Variants in NRG3 observed in about 807,000 individuals in gnomAD.
The protein encoded by NRG3 is pro-neuregulin-3, membrane-bound isoform.
A neutral mutation model predicts 66.9 loss-of-function variants in NRG3; 31 were observed. That is an observed-to-expected ratio of 0.46 (90% CI 0.35 to 0.63). The LOEUF is 0.63. NRG3 is among the 20% of genes least tolerant of loss of function. The probability of loss-of-function intolerance (pLI) is 0.00; values close to 1 mark genes in which losing one functional copy is unlikely to be tolerated. For synonymous variants in NRG3, 393 were observed against 359.4 expected, an observed-to-expected ratio of 1.09 and a Z score of -1.06; for missense variants, 910 against 878.9, an observed-to-expected ratio of 1.04 and a Z score of -0.45.
intron 2 of NRG3, among the ~76,000 whole-genome samples, chr10:82,419,359 T>A (rs77528465): frequency 0.019 from 2,876 of 152,192 alleles, 106 homozygotes; most frequent in African/African-American, 0.066. Context: ...AAATGCAAGG[T>A]CTTGCTTAGG....
intron 2 of NRG3, among the ~76,000 whole-genome samples, chr10:82,623,101 G>C (rs914427075): frequency 6.6e-6 from 1 of 151,792 alleles, no homozygotes; most frequent in Non-Finnish European, 1.5e-5. Context: ...TTTCACCCAG[G>C]GTACCACTAA....
At chr10:82,086,333 GA>G (rs1455110201) in intron 1 of NRG3, among the ~76,000 whole-genome samples, 1 of 152,000 alleles carries the variant, frequency 6.6e-6, no homozygotes, top group African/African-American at 2.4e-5. Context: ...GGAAGGAGAA[GA>G]AATTATCAAG....
chr10:82,075,898 G>A (rs2065064895), intron 1 of NRG3, among the ~76,000 whole-genome samples: 1 of 151,268 alleles, frequency 6.6e-6, no homozygotes. Flanking sequence ...ATTATGGAGG[G>A]AGAATGAAAT....
chr10:81,957,179 C>T (rs1277399683), intron 1 of NRG3, among the ~76,000 whole-genome samples: 1 of 152,136 alleles, frequency 6.6e-6, no homozygotes, highest in South Asian at 2.1e-4. Context: ...CAGCCTAGGT[C>T]CCTGAATCAC....
chr10:82,025,105 TTA>T (rs2132805679), intron 1 of NRG3, among the ~76,000 whole-genome samples: 1 of 152,128 alleles, frequency 6.6e-6, no homozygotes, highest in South Asian at 2.1e-4. Flanking sequence ...ACTGTAGTTT[TTA>T]TGTCATTTCA....
intron 2 of NRG3, among the ~76,000 whole-genome samples, chr10:82,443,215 G>GT (rs1446085294): frequency 1.0e-5 from 1 of 98,634 alleles, no homozygotes; most frequent in Non-Finnish European, 1.9e-5. Context: ...GATGCACTTG[G>GT]TTTTTTTCTC....
chr10:82,212,570 T>C (rs922196890), intron 1 of NRG3, among the ~76,000 whole-genome samples: 1 of 152,220 alleles, frequency 6.6e-6, no homozygotes, highest in African/African-American at 2.4e-5. Flanking sequence ...GGTAGTAGGA[T>C]ATTGCACGTC....
intron 1 of NRG3, among the ~76,000 whole-genome samples, chr10:82,203,942 T>G (rs533326554): frequency 4.7e-4 from 72 of 152,322 alleles, no homozygotes; most frequent in African/African-American, 1.7e-3. Flanking sequence ...ATTATGACTT[T>G]TTTTTGGTTC....
intron 1 of NRG3, among the ~76,000 whole-genome samples, chr10:82,259,882 T>G (rs1309446681): frequency 6.6e-6 from 1 of 151,970 alleles, no homozygotes; most frequent in Non-Finnish European, 1.5e-5. Flanking sequence ...CCATGAGATA[T>G]AATTACACCT....
At chr10:82,579,624 G>A (rs563779646) in intron 2 of NRG3, among the ~76,000 whole-genome samples, 1 of 152,012 alleles carries the variant, frequency 6.6e-6, no homozygotes, top group South Asian at 2.1e-4. Flanking sequence ...TGACATATGG[G>A]TAAAATTTGT....
chr10:82,769,109 C>T (rs1174779244), intron 3 of NRG3, among the ~76,000 whole-genome samples: 2 of 151,970 alleles, frequency 1.3e-5, no homozygotes, highest in Non-Finnish European at 2.9e-5. Flanking sequence ...AACATTTTAA[C>T]CCATAAAGAA....
Position 82,193,943 on chromosome 10 carries a change from G to A in NRG3, c.824-164796G>A, listed in dbSNP as rs537605529. On this transcript the variant is annotated intron_variant, in intron 1 of 8. Coordinates refer to ENST00000372141, the MANE Select transcript of NRG3 (RefSeq NM_001010848.4). Reference sequence around the variant, plus strand: ...AGAAAACAGAAGAGATCTCAGGATTGAGTTGTGAGTTTTTGCAACATTTAG... The same window carrying A: ...AGAAAACAGAAGAGATCTCAGGATTAAGTTGTGAGTTTTTGCAACATTTAG... 2.0e-5 allele frequency among the ~76,000 whole-genome samples: 3 copies of A among 152,274 alleles called. No individual in the cohort carries two copies. The East Asian group carries it at 5.8e-4, about 29-fold the overall frequency.
chr10:82,768,065 T>C (rs1329952905), intron 3 of NRG3, among the ~76,000 whole-genome samples: 1 of 152,138 alleles, frequency 6.6e-6, no homozygotes, highest in Non-Finnish European at 1.5e-5. Flanking sequence ...GGAGTCACAC[T>C]CTCTCAACAG....
At chr10:82,671,887 T>G (rs1466964301) in intron 2 of NRG3, among the ~76,000 whole-genome samples, 1 of 152,162 alleles carries the variant, frequency 6.6e-6, no homozygotes, top group Non-Finnish European at 1.5e-5. Context: ...AGGCAAAGTT[T>G]TGATTAATTA....
chr10:81,902,533 A>AG (rs1844177236), intron 1 of NRG3, among the ~76,000 whole-genome samples: 1 of 152,164 alleles, frequency 6.6e-6, no homozygotes, highest in African/African-American at 2.4e-5. Context: ...ATACGGGAGC[A>AG]GGGGATGTCT....
At chr10:82,975,532 G>C (rs1564684984) in intron 7 of NRG3, among the ~76,000 whole-genome samples, 1 of 152,100 alleles carries the variant, frequency 6.6e-6, no homozygotes, top group Non-Finnish European at 1.5e-5. Flanking sequence ...TTTTTGTTTG[G>C]ATCAATGACA....
chr10:82,799,544 A>G (rs1158983117), intron 3 of NRG3, among the ~76,000 whole-genome samples: 1 of 151,288 alleles, frequency 6.6e-6, no homozygotes, highest in Non-Finnish European at 1.5e-5. Flanking sequence ...AAAAAAAAAG[A>G]CATTTCAGTC....
chr10:82,686,229 C>T (rs1029878002), intron 2 of NRG3, among the ~76,000 whole-genome samples: 11 of 150,606 alleles, frequency 7.3e-5, no homozygotes, highest in African/African-American at 2.2e-4. Flanking sequence ...CTCTTGTTGC[C>T]CTGGCTGGAG....
chr10:82,879,253 A>G (rs1051675402), intron 4 of NRG3, among the ~76,000 whole-genome samples: 11 of 152,320 alleles, frequency 7.2e-5, no homozygotes, highest in African/African-American at 2.4e-4. Flanking sequence ...ATGAATACTT[A>G]TGGAAATAAC....
Sources: gnomAD v4.1 joint callset for allele counts (sites outside exome capture counted in the v4.1 genomes callset) on GRCh38, gnomAD v4.1.1 for gene constraint, MANE v1.5 for transcripts, NCBI Gene and HGNC (gene_info 2026-07-23, HGNC 2026-07-21) for gene names.